RFC3: variants seen among roughly 807,000 people sequenced by gnomAD.
RFC3 encodes the protein A1 38 kDa subunit.
Under a neutral mutation model 45.1 loss-of-function variants are expected in RFC3, and 41 were observed. That is an observed-to-expected ratio of 0.91 (90% CI 0.71 to 1.18). The LOEUF is 1.18. Ranked by LOEUF, RFC3 falls within the 50% of genes most tolerant of loss-of-function variation. The probability of loss-of-function intolerance (pLI) is 0.00; values close to 1 mark genes in which losing one functional copy is unlikely to be tolerated. For missense variants in RFC3, 423 were observed against 428.1 expected, an observed-to-expected ratio of 0.99 and a Z score of 0.10; for synonymous variants, 149 against 144.0, an observed-to-expected ratio of 1.03 and a Z score of -0.25.
chr13:33,831,113 C>T, intron 6 of RFC3, 143 bp from the exon 7 acceptor site: 3 of 630,164 alleles, frequency 4.8e-6, no homozygotes, highest in Non-Finnish European at 8.5e-6. Context: ...AGGTGGAACT[C>T]AGGCCATAAT....
At chr13:33,938,211 AAG>A (rs1182483121) in intron 8 of RFC3, among the ~76,000 whole-genome samples, 1 of 146,964 alleles carries the variant, frequency 6.8e-6, no homozygotes, top group Non-Finnish European at 1.5e-5. Context: ...AAAAAAAAGT[AAG>A]AGTTGAAAAT....
intron 8 of RFC3, among the ~76,000 whole-genome samples, chr13:33,947,231 A>G (rs373173011): frequency 1.3e-5 from 2 of 152,116 alleles, no homozygotes; most frequent in Non-Finnish European, 2.9e-5. Flanking sequence ...GATTTCCCCT[A>G]TGCTGTTCTC....
intron 8 of RFC3, among the ~76,000 whole-genome samples, chr13:33,871,484 T>C (rs2082409282): frequency 6.6e-6 from 1 of 152,226 alleles, no homozygotes; most frequent in Non-Finnish European, 1.5e-5. Context: ...TGCTGCCCTC[T>C]TCCAACTACC....
At chr13:33,841,542 A>G (rs1478538719), downstream of RFC3, among the ~76,000 whole-genome samples, 2 of 152,224 alleles carry the variant, frequency 1.3e-5, no homozygotes, top group Non-Finnish European at 2.9e-5. Context: ...TGTAGCTTAT[A>G]TAATAATACA....
At chr13:33,841,745 T>C (rs1045319786), downstream of RFC3, among the ~76,000 whole-genome samples, 7 of 152,214 alleles carry the variant, frequency 4.6e-5, no homozygotes, top group African/African-American at 1.4e-4. Flanking sequence ...TTGTTGTTTT[T>C]CATGCTTGTT....
intron 8 of RFC3, among the ~76,000 whole-genome samples, chr13:33,915,477 T>C (rs1179981035): frequency 6.6e-6 from 1 of 152,104 alleles, no homozygotes; most frequent in Non-Finnish European, 1.5e-5. Flanking sequence ...CAGAAGAAAA[T>C]AAATGTACTC....
intron 8 of RFC3, among the ~76,000 whole-genome samples, chr13:33,932,171 C>T: frequency 6.6e-6 from 1 of 152,106 alleles, no homozygotes; most frequent in East Asian, 1.9e-4. Context: ...TTCCATTGTT[C>T]ATCTGTCTAT....
intron 8 of RFC3, among the ~76,000 whole-genome samples, chr13:33,931,118 A>C (rs895562251): frequency 6.6e-6 from 1 of 152,124 alleles, no homozygotes; most frequent in Non-Finnish European, 1.5e-5. Context: ...GATCTTGGAC[A>C]TATTGAATTG....
chr13:33,976,242 C>CA, the RFC3 span, among the ~76,000 whole-genome samples: 14 of 152,088 alleles, frequency 9.2e-5, no homozygotes, highest in Non-Finnish European at 1.9e-4. Flanking sequence ...CAGATATACA[C>CA]AATGGAATAT....
At chr13:33,906,543 C>T (rs1057213537) in intron 8 of RFC3, among the ~76,000 whole-genome samples, 88 of 152,050 alleles carry the variant, frequency 5.8e-4, no homozygotes, top group Admixed American at 4.5e-3. Flanking sequence ...CATCATCTTG[C>T]AGTCTGTTTA....
At chr13:33,966,423 G>T in exon 9 of RFC3, 1 of 416,520 alleles carries the variant, frequency 2.4e-6, no homozygotes, top group South Asian at 4.9e-5. Flanking sequence ...TTTGATGAAT[G>T]GGGACCATGG....
At chr13:33,908,000 TAGAA>T (rs1340843871) in intron 8 of RFC3, among the ~76,000 whole-genome samples, 1 of 151,998 alleles carries the variant, frequency 6.6e-6, no homozygotes, top group Non-Finnish European at 1.5e-5. Flanking sequence ...TCTTTTGTAA[TAGAA>T]AGTCTTCAAT....
At chr13:33,936,485 T>C (rs1334104446) in intron 8 of RFC3, among the ~76,000 whole-genome samples, 1 of 152,060 alleles carries the variant, frequency 6.6e-6, no homozygotes, top group African/African-American at 2.4e-5. Context: ...GAAGATGAAA[T>C]TAGTTAAGGT....
At position 33,830,759 on chromosome 13, in the gene RFC3, T is replaced by G. The variant is rs1445623041; in HGVS notation, c.614T>G (p.Leu205Arg). ...TCTACTGTGTGTAAGAAGGAAGGTC[T>G]GAATCTTCCTTCACAACTGGCTCAT... ...VLSTVCKKEG[L>R]NLPSQLAHRL... is the part of the protein sequence containing the mutation. Residue 205 changes from leucine (L) to arginine (R), a missense_variant, in exon 6 of 9, where the codon CTG becomes CGG. Coordinates refer to ENST00000380071, the MANE Select transcript of RFC3 (RefSeq NM_002915.4). 6.2e-7 allele frequency: 1 copy of G among 1,611,142 alleles called. No individual in the cohort carries two copies. The highest frequency in any genetic ancestry group is 8.5e-7 in the Non-Finnish European group (1 of 1,177,510).
chr13:33,976,417 A>G, the RFC3 span, among the ~76,000 whole-genome samples: 1 of 152,146 alleles, frequency 6.6e-6, no homozygotes, highest in Non-Finnish European at 1.5e-5. Context: ...GTGGGAAGGG[A>G]AGCCGGGGAG....
chr13:33,866,749 C>T (rs1019343842), intron 8 of RFC3, among the ~76,000 whole-genome samples: 15 of 152,044 alleles, frequency 9.9e-5, no homozygotes, highest in African/African-American at 3.4e-4. Flanking sequence ...AAGGAAATAC[C>T]TAAATATTCT....
intron 8 of RFC3, among the ~76,000 whole-genome samples, chr13:33,876,541 C>T (rs2082448165): frequency 6.6e-6 from 1 of 152,006 alleles, no homozygotes; most frequent in East Asian, 1.9e-4. Flanking sequence ...TATATAAATT[C>T]CCTTTTACTT....
chr13:33,921,167 T>A lies in RFC3; in HGVS notation c.880-44920T>A, dbSNP rs779821697. ...TTCTACTATTTTCCCTGTGCTAGAC[T>A]AACTGTTGGGAATTCAGGAGTGAAT... On this transcript the variant is annotated intron_variant, in intron 8 of 8. Transcript: ENST00000434425. Among the ~76,000 whole-genome samples the A allele has an allele frequency of 7.2e-5, 11 of 152,296 alleles. No individual in the cohort carries two copies. The Middle Eastern group carries it at 0.017, about 235-fold the overall frequency.
At position 33,836,274 on chromosome 13, in the gene RFC3, A is replaced by T. The variant is rs2082153726; in HGVS notation, c.1050A>T (p.Gly350=). 6.2e-7 allele frequency: 1 copy of T among 1,612,988 alleles called. No individual in the cohort carries two copies. The highest frequency in any genetic ancestry group is 1.3e-5 in the African/African-American group (1 of 74,872). ...MALYKKFMED[G]LEGMMF is the part of the protein sequence containing the mutation. ...TTTATAAGAAGTTCATGGAGGATGG[A>T]TTGGAAGGCATGATGTTCTGACTTC... The change falls in exon 9 of 9, where the codon GGA becomes GGT. Residue 350 remains glycine, a synonymous_variant. Transcript: ENST00000380071.
Sources: allele counts gnomAD v4.1 joint callset (sites outside exome capture counted in the v4.1 genomes callset), GRCh38; gene constraint gnomAD v4.1.1; transcripts MANE v1.5; gene names NCBI Gene and HGNC (gene_info 2026-07-23, HGNC 2026-07-21).